The following KIF16B variants were observed in gnomAD, a reference collection of about 807,000 sequenced individuals.
The protein encoded by KIF16B is kinesin family member 16B.
A neutral mutation model predicts 156.3 loss-of-function variants in KIF16B; 98 were observed. The ratio of observed to expected loss-of-function variants is 0.63; its 90% CI spans 0.53 to 0.74. KIF16B has a LOEUF of 0.74. Among genes scored for constraint, KIF16B ranks in the 30% least tolerant of loss-of-function variants. The probability of loss-of-function intolerance (pLI) is 0.00; values close to 1 mark genes in which losing one functional copy is unlikely to be tolerated. For missense variants in KIF16B, 1,421 were observed against 1,606.5 expected, an observed-to-expected ratio of 0.88 and a Z score of 1.97; for synonymous variants, 564 against 583.7, an observed-to-expected ratio of 0.97 and a Z score of 0.49.
At chr20:16,473,653 G>A in intron 12 of KIF16B, among the ~76,000 whole-genome samples, 1 of 152,166 alleles carries the variant, frequency 6.6e-6, no homozygotes, top group Non-Finnish European at 1.5e-5. Context: ...CACTAAGTAA[G>A]GAATGCAGTG....
At chr20:16,359,972 C>T (rs1378017057) in intron 22 of KIF16B, among the ~76,000 whole-genome samples, 1 of 152,178 alleles carries the variant, frequency 6.6e-6, no homozygotes, top group Admixed American at 6.5e-5. Context: ...TCCTTGGCTA[C>T]AGTTTACTTC....
chr20:16,501,787 A>T (rs1199789941), intron 10 of KIF16B, among the ~76,000 whole-genome samples: 1 of 152,192 alleles, frequency 6.6e-6, no homozygotes, highest in African/African-American at 2.4e-5. Context: ...ATAAAGAACA[A>T]AAACAGGCAA....
intron 10 of KIF16B, among the ~76,000 whole-genome samples, chr20:16,502,121 ACT>A (rs2068644355): frequency 6.6e-6 from 1 of 152,088 alleles, no homozygotes; most frequent in Non-Finnish European, 1.5e-5. Flanking sequence ...TGCTTTAAAA[ACT>A]CTGATGCACA....
Position 16,512,838 on chromosome 20 carries a change from C to G in KIF16B, c.434G>C (p.Arg145Pro). The change falls in exon 5 of 26, where the codon CGA becomes CCA. Residue 145 changes from arginine (R) to proline (P), a missense_variant. By Grantham distance (103) the Arg-to-Pro change is moderately radical (BLOSUM62 -2). Transcript: ENST00000354981. ...CCACAGGCCCTACCTGACTTCAGTT[C>G]GAAAAGAAGCTTCATCCCATCTGGT... ...ETTRWDEASF[R>P]TEVSYLEIYN... 1 of 1,613,248 alleles carries G rather than the reference C, an allele frequency of 6.2e-7. No individual in the cohort carries two copies. The highest frequency in any genetic ancestry group is 8.5e-7 in the Non-Finnish European group (1 of 1,179,202).
At chr20:16,507,871 G>T in intron 7 of KIF16B, 87 bp downstream of exon 7, 1 of 1,411,856 alleles carries the variant, frequency 7.1e-7, no homozygotes. Context: ...GCTGCTCCTG[G>T]TTCAACAATG....
chr20:16,336,121 A>C (rs1398422708), intron 23 of KIF16B, 106 bp from the exon 24 acceptor site: 1 of 671,126 alleles, frequency 1.5e-6, no homozygotes, highest in Non-Finnish European at 2.6e-6. Context: ...TTAGCATGTA[A>C]AATTTCTCTA....
At chr20:16,367,755 G>C (rs938088973) in intron 22 of KIF16B, 1 of 1,612,468 alleles carries the variant, frequency 6.2e-7, no homozygotes, top group Admixed American at 1.7e-5. Context: ...GATCTTGCTG[G>C]AGCAAGGGAT....
chr20:16,462,369 C>T (rs556527253), intron 12 of KIF16B, among the ~76,000 whole-genome samples: 1 of 152,320 alleles, frequency 6.6e-6, no homozygotes, highest in African/African-American at 2.4e-5. Context: ...TCTTTCATTT[C>T]ACAACAGAAA....
chr20:16,377,931 CACA>C (rs1482562145), intron 19 of KIF16B, among the ~76,000 whole-genome samples: 2 of 152,140 alleles, frequency 1.3e-5, no homozygotes, highest in African/African-American at 4.8e-5. Flanking sequence ...TTTTATTTTT[CACA>C]ACAACAAAAA....
chr20:16,300,628 A>G (rs2063458520), intron 25 of KIF16B, among the ~76,000 whole-genome samples: 1 of 152,196 alleles, frequency 6.6e-6, no homozygotes, highest in Non-Finnish European at 1.5e-5. Context: ...ATAAATACAT[A>G]ACTACCACAT....
chr20:16,481,902 C>T (rs1450079404), intron 12 of KIF16B, among the ~76,000 whole-genome samples: 3 of 152,142 alleles, frequency 2.0e-5, no homozygotes, highest in Non-Finnish European at 4.4e-5. Flanking sequence ...GTGTGCTAGA[C>T]ACCACTGTCA....
intron 25 of KIF16B, among the ~76,000 whole-genome samples, chr20:16,304,542 G>A (rs1256667705): frequency 1.3e-5 from 2 of 152,064 alleles, no homozygotes; most frequent in Non-Finnish European, 2.9e-5. Context: ...AACAGCTCCT[G>A]CTAATGTAAA....
intron 12 of KIF16B, among the ~76,000 whole-genome samples, chr20:16,445,552 AAG>A (rs1052096450): frequency 5.3e-5 from 8 of 151,918 alleles, no homozygotes; most frequent in Non-Finnish European, 8.8e-5. Context: ...CTAGAATTCT[AAG>A]TGCTCTCAAA....
At chr20:16,365,514 T>C (rs2064644593) in intron 22 of KIF16B, among the ~76,000 whole-genome samples, 1 of 152,186 alleles carries the variant, frequency 6.6e-6, no homozygotes, top group Non-Finnish European at 1.5e-5. Flanking sequence ...GAAGCACACA[T>C]GGCTGCAGCC....
At chr20:16,504,111 C>T (rs1305865512) in intron 10 of KIF16B, among the ~76,000 whole-genome samples, 2 of 152,180 alleles carry the variant, frequency 1.3e-5, no homozygotes, top group Non-Finnish European at 2.9e-5. Flanking sequence ...TTGCATAGTA[C>T]ATTTCCATTC....
intron 22 of KIF16B, chr20:16,368,479 A>G (rs1462168099): frequency 3.0e-6 from 3 of 986,170 alleles, no homozygotes; most frequent in African/African-American, 3.5e-5. Flanking sequence ...CTGGGAGGGG[A>G]GCCCCCTCGG....
intron 6 of KIF16B, among the ~76,000 whole-genome samples, chr20:16,509,511 G>A (rs150867654): frequency 9.9e-5 from 15 of 152,230 alleles, no homozygotes; most frequent in African/African-American, 3.4e-4. Context: ...GCCAAAGATG[G>A]GTGACAAATG....
chr20:16,438,560 G>C (rs555452942), intron 12 of KIF16B, among the ~76,000 whole-genome samples: 3 of 152,010 alleles, frequency 2.0e-5, no homozygotes, highest in African/African-American at 4.8e-5. Flanking sequence ...GCAGACAAGC[G>C]GGGGCCTATT....
intron 23 of KIF16B, among the ~76,000 whole-genome samples, chr20:16,336,321 G>A (rs968758809): frequency 6.6e-5 from 10 of 152,266 alleles, no homozygotes; most frequent in African/African-American, 2.4e-4. Flanking sequence ...TAAAGAAGAG[G>A]AGGTGGAAGA....
Sources: gnomAD v4.1 joint callset for allele counts (sites outside exome capture counted in the v4.1 genomes callset) on GRCh38, gnomAD v4.1.1 for gene constraint, MANE v1.5 for transcripts, NCBI Gene and HGNC (gene_info 2026-07-23, HGNC 2026-07-21) for gene names.